The following RFX6 variants were observed in gnomAD, a reference collection of about 807,000 sequenced individuals.
RFX6 encodes regulatory factor X6.
In RFX6, 50 loss-of-function variants were observed where a neutral mutation model predicts 110.8. That is an observed-to-expected ratio of 0.45 (90% confidence interval 0.36 to 0.57). The LOEUF is 0.57. Ranked by LOEUF, RFX6 falls within the 20% of genes least tolerant of loss-of-function variation. RFX6 has a pLI of 0.00. For missense variants in RFX6, 990 were observed against 1,127.0 expected (o/e 0.88, Z 1.74); for synonymous variants, 383 against 411.2 (o/e 0.93, Z 0.83).
At chr6:116,877,737 G>C in intron 1 of RFX6, 59 bp from the exon 2 acceptor site, 2 of 1,412,522 alleles carry the variant, frequency 1.4e-6, no homozygotes, top group Admixed American at 1.8e-5. Flanking sequence ...TACACTTAAA[G>C]GCGACTTAGT....
chr6:116,926,103 G>A (rs1038893285), intron 16 of RFX6, among the ~76,000 whole-genome samples: 2 of 152,104 alleles, frequency 1.3e-5, no homozygotes, highest in African/African-American at 4.8e-5. Flanking sequence ...GAGCACCTGA[G>A]GTCAGGAGTT....
At chr6:116,882,950 T>G (rs1197602748) in intron 4 of RFX6, among the ~76,000 whole-genome samples, 3 of 151,938 alleles carry the variant, frequency 2.0e-5, no homozygotes, top group Non-Finnish European at 2.9e-5. Context: ...TCCCCCTCTT[T>G]ATGTCTTTAA....
chr6:116,919,052 A>T, intron 10 of RFX6, 85 bp from the exon 11 acceptor site: 1 of 1,234,456 alleles, frequency 8.1e-7, no homozygotes, highest in Admixed American at 1.7e-5. Flanking sequence ...ATGAAACCAT[A>T]GAATAATAGT....
rs1165184759 is a variant in RFX6, at chr6:116,925,870, C to G, written c.1885+211C>G. Among the ~76,000 whole-genome samples, 3 of 151,032 alleles carry G rather than the reference C, an allele frequency of 2.0e-5. No homozygotes were observed. The East Asian group carries it at 5.8e-4, about 29-fold the overall frequency. ...CACAGGTATCATGTCTTGACACACT[C>G]CATAAATTATATTAGAAGTATGAAT... On this transcript the variant is annotated intron_variant, in intron 16 of 18. Transcript: ENST00000332958.
intron 6 of RFX6, among the ~76,000 whole-genome samples, chr6:116,903,434 A>G (rs887035381): frequency 3.9e-5 from 6 of 151,914 alleles, no homozygotes; most frequent in African/African-American, 1.4e-4. Flanking sequence ...TGTGTTATTC[A>G]CAGCACCCAC....
chr6:116,883,440 G>C (rs1384141017), intron 4 of RFX6, among the ~76,000 whole-genome samples: 2 of 151,934 alleles, frequency 1.3e-5, no homozygotes, highest in African/African-American at 4.8e-5. Flanking sequence ...AAAGTATAAT[G>C]TGGCCACATA....
intron 9 of RFX6, among the ~76,000 whole-genome samples, chr6:116,916,798 G>A (rs780178242): frequency 5.9e-5 from 9 of 151,986 alleles, no homozygotes; most frequent in African/African-American, 1.2e-4. Context: ...GAAGGATCTC[G>A]AAGACATCCT....
At chr6:116,897,384 G>A (rs942552541) in intron 6 of RFX6, among the ~76,000 whole-genome samples, 4 of 152,038 alleles carry the variant, frequency 2.6e-5, no homozygotes, top group South Asian at 4.1e-4. Context: ...AACCAAAAAC[G>A]TCTCTGACAT....
At chr6:116,910,833 TGAA>T (rs1450979097) in intron 6 of RFX6, 99 bp from the exon 7 acceptor site, 7 of 849,080 alleles carry the variant, frequency 8.2e-6, no homozygotes, top group African/African-American at 1.7e-5. Flanking sequence ...GTTTGCAGGA[TGAA>T]GAAGAATGAA....
chr6:116,878,796 A>G (rs1774524191), intron 2 of RFX6, among the ~76,000 whole-genome samples: 1 of 151,848 alleles, frequency 6.6e-6, no homozygotes, highest in Admixed American at 6.5e-5. Flanking sequence ...GCCTTAGAAA[A>G]ATACAAGATA....
At chr6:116,929,023 G>A (rs749310027) in intron 18 of RFX6, 52 bp downstream of exon 18, 1 of 1,117,746 alleles carries the variant, frequency 8.9e-7, no homozygotes, top group South Asian at 1.2e-5. Context: ...GTTAACCTCA[G>A]GTATGCAACA....
At position 116,923,214 on chromosome 6, in the gene RFX6, A is replaced by G; in HGVS notation, c.1545A>G (p.Ala515=). ...TGCATAATCTCACCTTGAACAATGC[A>G]TCCAGTTTTGGTAACATACGTGCAT... ...RVMHNLTLNN[A]SSFGSFHLIR... is the part of the protein sequence containing the mutation. The change falls in exon 14 of 19, where the codon GCA becomes GCG. Residue 515 remains alanine, a synonymous_variant. Transcript: ENST00000332958. The G allele has an allele frequency of 6.7e-7, 1 of 1,487,422 alleles. No individual in the cohort carries two copies. Among genetic ancestry groups the G allele is most frequent in the African/African-American group, 1.4e-5 (1 of 72,334 alleles). 92.1% of individuals were successfully genotyped at this position (1,487,422 alleles called of 1,614,324 possible). A position where few individuals can be genotyped will look rare whatever the true frequency, so the allele number is the denominator to read the frequency against.
intron 6 of RFX6, among the ~76,000 whole-genome samples, chr6:116,909,767 G>C (rs1244643910): frequency 1.7e-5 from 1 of 57,642 alleles, no homozygotes; most frequent in African/African-American, 8.1e-5. Flanking sequence ...TTTTTTTTGA[G>C]ACGGAGTCTT....
chr6:116,908,020 G>C (rs1008811911), intron 6 of RFX6, among the ~76,000 whole-genome samples: 2 of 151,924 alleles, frequency 1.3e-5, no homozygotes. Context: ...ATCCTTGTCT[G>C]TTACACACCT....
At chr6:116,877,689 C>G in intron 1 of RFX6, 107 bp from the exon 2 acceptor site, 1 of 1,174,172 alleles carries the variant, frequency 8.5e-7, no homozygotes, top group Non-Finnish European at 1.2e-6. Context: ...TCCTCCCCTC[C>G]GCCCCCACCC....
At chr6:116,883,661 G>A (rs1037430592) in intron 4 of RFX6, among the ~76,000 whole-genome samples, 2 of 152,008 alleles carry the variant, frequency 1.3e-5, no homozygotes, top group African/African-American at 4.8e-5. Context: ...TCACATCTCA[G>A]TTTAGACTAG....
chr6:116,913,209 C>T (rs2114690537), intron 7 of RFX6, among the ~76,000 whole-genome samples: 1 of 65,086 alleles, frequency 1.5e-5, no homozygotes, highest in South Asian at 5.5e-4. Context: ...TTACAAGTGC[C>T]TGCCGACATG....
At chr6:116,922,417 A>C (rs973941892) in intron 13 of RFX6, among the ~76,000 whole-genome samples, 5 of 152,224 alleles carry the variant, frequency 3.3e-5, no homozygotes, top group African/African-American at 1.2e-4. Context: ...TCAGTCAATA[A>C]CATTACAGCT....
intron 4 of RFX6, among the ~76,000 whole-genome samples, chr6:116,889,440 G>T (rs1220928265): frequency 6.6e-6 from 1 of 152,064 alleles, no homozygotes; most frequent in Admixed American, 6.6e-5. Flanking sequence ...AAATGCCAAT[G>T]ATACAAGGAC....
Sources: allele counts gnomAD v4.1 joint callset (sites outside exome capture counted in the v4.1 genomes callset), GRCh38; gene constraint gnomAD v4.1.1; transcripts MANE v1.5; gene names NCBI Gene and HGNC (gene_info 2026-07-23, HGNC 2026-07-21).